The following KIFC3 variants were observed in gnomAD, a reference collection of about 807,000 sequenced individuals.
KIFC3 encodes kinesin family member C3, also known as kinesin-like protein KIFC3.
A neutral mutation model predicts 101.8 loss-of-function variants in KIFC3; 60 were observed. That is an observed-to-expected ratio of 0.59 (90% confidence interval 0.48 to 0.73). The LOEUF (loss-of-function observed/expected upper bound fraction) is 0.73. Ranked by LOEUF, KIFC3 falls within the 30% of genes least tolerant of loss-of-function variation. The probability of loss-of-function intolerance (pLI) is 0.00; values close to 1 mark genes in which losing one functional copy is unlikely to be tolerated. For missense variants in KIFC3, 966 were observed against 1,137.1 expected (o/e 0.85, Z 2.16); for synonymous variants, 476 against 482.7 (o/e 0.99, Z 0.18).
In KIFC3 at chr16:57,769,890, C is replaced by G; in HGVS notation, c.1005G>C (p.Leu335=). 1 of 1,613,976 alleles carries G rather than the reference C, an allele frequency of 6.2e-7. No individual in the cohort carries two copies. Among genetic ancestry groups the G allele is most frequent in the Non-Finnish European group, 8.5e-7 (1 of 1,180,038 alleles). ...HGQMLEEMQS[L]EEDKNRAIEE... ...CAATGGCCCGGTTCTTGTCCTCTTC[C>G]AGGGACTGCATCTCCTCCAGCATCT... Residue 335 remains leucine (L), a synonymous_variant, in exon 8 of 20, where the codon CTG becomes CTC. Coordinates refer to ENST00000445690, the MANE Select transcript of KIFC3 (RefSeq NM_001130100.2). The surrounding 1 kb of genome is among the most constrained non-coding windows in gnomAD (Gnocchi z 4.3).
At chr16:57,816,519 G>A (rs768735747) in intron 1 of KIFC3, 77 of 456,852 alleles carry the variant, frequency 1.7e-4, no homozygotes, top group Admixed American at 2.6e-4. Flanking sequence ...TTCCTTGTCT[G>A]CGCCTTACAA....
intron 1 of KIFC3, among the ~76,000 whole-genome samples, chr16:57,812,335 C>A (rs1373821163): frequency 7.2e-6 from 1 of 139,078 alleles, no homozygotes; most frequent in Non-Finnish European, 1.6e-5. Context: ...AGCCACTGCG[C>A]CCAGCCCCCC....
At chr16:57,798,314 A>G in intron 1 of KIFC3, 32 bp from the exon 2 acceptor site, 1 of 1,530,516 alleles carries the variant, frequency 6.5e-7, no homozygotes, top group Non-Finnish European at 8.8e-7. Flanking sequence ...ATAAGCTTGA[A>G]GACCGTGGAC....
intron 1 of KIFC3, among the ~76,000 whole-genome samples, chr16:57,834,235 A>C (rs1207748335): frequency 6.6e-6 from 1 of 152,156 alleles, no homozygotes; most frequent in Non-Finnish European, 1.5e-5. Flanking sequence ...TTGATGAAAA[A>C]TTGCAAAAGT....
chr16:57,794,163 T>C (rs1191951536), intron 3 of KIFC3, among the ~76,000 whole-genome samples: 1 of 152,246 alleles, frequency 6.6e-6, no homozygotes, highest in Non-Finnish European at 1.5e-5. Context: ...CAGTAGCTCT[T>C]ATTACTATTA....
intron 3 of KIFC3, among the ~76,000 whole-genome samples, chr16:57,794,401 C>A (rs548680396): frequency 8.6e-5 from 13 of 151,294 alleles, no homozygotes; most frequent in Non-Finnish European, 4.4e-5. Flanking sequence ...TTTTATTTTT[C>A]TTTTTGTAGA....
intron 1 of KIFC3, chr16:57,798,634 TAAGTCTA>T (rs2054532000): frequency 2.7e-6 from 1 of 373,148 alleles, no homozygotes; most frequent in East Asian, 6.4e-5. Context: ...AGCATCTCCG[TAAGTCTA>T]ATCCTTTTCC....
chr16:57,789,542 C>T lies in KIFC3; in HGVS notation c.315+5457G>A, dbSNP rs368911198. Among the ~76,000 whole-genome samples, 29 of 152,128 alleles carry T rather than the reference C, an allele frequency of 1.9e-4. No homozygotes were observed. In the South Asian group the frequency reaches 4.6e-3, roughly 24 times the overall value. On this transcript the variant is annotated intron_variant, in intron 3 of 19. Coordinates refer to ENST00000445690, the MANE Select transcript of KIFC3 (RefSeq NM_001130100.2). ...AGACAGCGATCCTCTCTGGAAGATT[C>T]GGGGGGGATGGTGTAGTGGCTGAGA...
chr16:57,800,536 T>C (rs1598165333), intron 1 of KIFC3, among the ~76,000 whole-genome samples: 1 of 151,968 alleles, frequency 6.6e-6, no homozygotes, highest in South Asian at 2.1e-4. Context: ...GCTGGGAAGG[T>C]GAGACAGTGC....
intron 1 of KIFC3, among the ~76,000 whole-genome samples, chr16:57,851,733 AT>A (rs761155987): frequency 3.8e-5 from 5 of 130,080 alleles, no homozygotes; most frequent in East Asian, 2.2e-4. Context: ...CACCCGGCTA[AT>A]TTTTGTTGTT....
At chr16:57,819,043 C>T (rs1305730258) in intron 1 of KIFC3, among the ~76,000 whole-genome samples, 2 of 152,110 alleles carry the variant, frequency 1.3e-5, no homozygotes, top group Non-Finnish European at 2.9e-5. Flanking sequence ...GCTGTTCCTC[C>T]AGTTGCTGCC....
chr16:57,791,300 G>C (rs543179949), intron 3 of KIFC3, among the ~76,000 whole-genome samples: 68 of 152,176 alleles, frequency 4.5e-4, no homozygotes, highest in Non-Finnish European at 1.3e-4. Flanking sequence ...ACACCATCGC[G>C]AGCAGGCTTG....
chr16:57,798,941 TG>T (rs1170960962), intron 1 of KIFC3, among the ~76,000 whole-genome samples: 2 of 152,234 alleles, frequency 1.3e-5, no homozygotes, highest in African/African-American at 4.8e-5. Context: ...TAATGCCTAC[TG>T]GGTGCCAGGC....
intron 1 of KIFC3, among the ~76,000 whole-genome samples, chr16:57,800,221 C>T (rs567511182): frequency 8.5e-5 from 13 of 152,298 alleles, no homozygotes; most frequent in African/African-American, 1.7e-4. Context: ...AGGCACCTGG[C>T]GAGGAAGCCA....
At chr16:57,770,880 CT>C (rs1349045155) in intron 6 of KIFC3, among the ~76,000 whole-genome samples, 180 bp from the exon 7 acceptor site, 2 of 152,184 alleles carry the variant, frequency 1.3e-5, no homozygotes, top group Non-Finnish European at 2.9e-5. Context: ...CTCCTGGAAC[CT>C]TCTCAGCTTA....
upstream of KIFC3, chr16:57,802,961 G>C (rs782628547): frequency 7.2e-6 from 11 of 1,535,218 alleles, no homozygotes; most frequent in South Asian, 1.1e-4. This position sits in a 1 kb window ranked among gnomAD's most constrained non-coding sequence, Gnocchi z 5.0. Flanking sequence ...TCTTACTCAC[G>C]AGACAATACA....
At chr16:57,861,988 A>G (rs539818099) in intron 1 of KIFC3, among the ~76,000 whole-genome samples, 1 of 152,220 alleles carries the variant, frequency 6.6e-6, no homozygotes, top group Admixed American at 6.5e-5. Flanking sequence ...TCCAACAGGT[A>G]AAATATTTTC....
In KIFC3 at chr16:57,759,173, C is replaced by G. The variant is rs961660717; in HGVS notation, c.2477-20G>C. On this transcript the variant is annotated intron_variant, in intron 18 of 19. Coordinates refer to ENST00000445690, the MANE Select transcript of KIFC3 (RefSeq NM_001130100.2). ...GTCAGGCTGAAATCAAAGTGACAGG[C>G]GTCTCACTGGTGGGCTTGCCTTGGG... 2.6e-6 allele frequency: 4 copies of G among 1,550,922 alleles called. No homozygotes were observed. In the East Asian group the frequency reaches 9.8e-5, roughly 38 times the overall value.
intron 3 of KIFC3, among the ~76,000 whole-genome samples, chr16:57,781,102 G>A (rs1209382253): frequency 5.3e-5 from 8 of 152,184 alleles, no homozygotes; most frequent in Admixed American, 3.9e-4. Context: ...CAGATCTCTT[G>A]AGCCCAGGAG....
Sources: gnomAD v4.1 joint callset for allele counts (sites outside exome capture counted in the v4.1 genomes callset) on GRCh38, gnomAD v4.1.1 for gene constraint, Gnocchi (gnomAD v3.1) non-coding constraint, MANE v1.5 for transcripts, NCBI Gene and HGNC (gene_info 2026-07-23, HGNC 2026-07-21) for gene names.